KAZN: variants seen among roughly 807,000 people sequenced by gnomAD.
KAZN encodes kazrin, periplakin interacting protein.
In KAZN, 40 loss-of-function variants were observed where a neutral mutation model predicts 87.4. The observed-to-expected ratio is 0.46, with a 90% confidence interval of 0.36 to 0.60. KAZN has a LOEUF of 0.60. Ranked by LOEUF, KAZN falls within the 20% of genes least tolerant of loss-of-function variation. The pLI, the probability that KAZN is intolerant of heterozygous loss-of-function variation, is 0.00. For missense variants in KAZN, 898 were observed against 1,073.9 expected (o/e 0.84, Z 2.29); for synonymous variants, 466 against 458.3 (o/e 1.02, Z -0.22).
chr1:14,831,743 T>C (rs11582064), intron 1 of KAZN, among the ~76,000 whole-genome samples: 10,596 of 152,172 alleles, frequency 0.07, 627 homozygotes, highest in African/African-American at 0.16. Context: ...GACAGGGAAA[T>C]GACAAGCGAC....
intron 2 of KAZN, among the ~76,000 whole-genome samples, chr1:14,242,874 A>G (rs931181900): frequency 6.6e-6 from 1 of 152,330 alleles, no homozygotes; most frequent in East Asian, 1.9e-4. Context: ...TTGATCTCTC[A>G]AAACGAATAC....
At chr1:14,088,196 T>C (rs896069862) in intron 1 of KAZN, among the ~76,000 whole-genome samples, 41 of 151,726 alleles carry the variant, frequency 2.7e-4, no homozygotes, top group Non-Finnish European at 3.5e-4. Context: ...AATTTTTGCA[T>C]CTTTTTCTAG....
At chr1:15,017,655 G>A (rs1462939884) in intron 2 of KAZN, among the ~76,000 whole-genome samples, 4 of 152,046 alleles carry the variant, frequency 2.6e-5, no homozygotes, top group Admixed American at 6.5e-5. Context: ...AATACAAAAA[G>A]TAGCCGGGCA....
At chr1:14,786,033 T>C (rs951577482) in intron 1 of KAZN, among the ~76,000 whole-genome samples, 2 of 152,000 alleles carry the variant, frequency 1.3e-5, no homozygotes, top group Non-Finnish European at 2.9e-5. Context: ...TAGAATCCAG[T>C]GACCTCCTTA....
At chr1:14,235,595 G>C (rs893774231) in intron 2 of KAZN, among the ~76,000 whole-genome samples, 1 of 152,116 alleles carries the variant, frequency 6.6e-6, no homozygotes, top group Non-Finnish European at 1.5e-5. Context: ...TTAAAAGGGT[G>C]AATTTTGTGG....
intron 1 of KAZN, among the ~76,000 whole-genome samples, chr1:14,625,680 A>G (rs1416148615): frequency 6.6e-6 from 1 of 152,242 alleles, no homozygotes; most frequent in East Asian, 1.9e-4. Context: ...TGAAACTTCA[A>G]TTATCATCCT....
At chr1:14,210,820 C>T (rs1646838940) in intron 2 of KAZN, among the ~76,000 whole-genome samples, 1 of 152,000 alleles carries the variant, frequency 6.6e-6, no homozygotes, top group Non-Finnish European at 1.5e-5. Flanking sequence ...TATATTTCTG[C>T]AAATCTCTTT....
intron 2 of KAZN, among the ~76,000 whole-genome samples, chr1:14,260,625 G>C (rs1039962178): frequency 6.6e-6 from 1 of 152,184 alleles, no homozygotes; most frequent in African/African-American, 2.4e-5. Context: ...TTCTTTGTGA[G>C]CAATGCCACA....
At position 15,110,452 on chromosome 1, in the gene KAZN, T is replaced by C. The variant is rs549010845; in HGVS notation, c.2049-1975T>C. On this transcript the variant is annotated intron_variant, in intron 13 of 14. Transcript: ENST00000376030. ...GTTCATGTGTATTTGTGTATGTGTG[T>C]ATTTGTGTGTGTTTGTATGTTTGTG... 1.2e-3 allele frequency among the ~76,000 whole-genome samples: 179 copies of C among 150,978 alleles called. 1 individual carries two copies. Among genetic ancestry groups the C allele is most frequent in the Non-Finnish European group, 2.3e-3 (159 of 67,924 alleles).
At position 14,409,536 on chromosome 1, in the gene KAZN, C is replaced by T. The variant is rs578183035; in HGVS notation, c.250-189447C>T. The stretch of plus-strand genomic sequence containing the variant: ...CAAATTTATATTACCCACACTACCC[C>T]AGAAGCCCCAACTTGAAAAGGAGCT... On this transcript the variant is annotated intron_variant, in intron 2 of 16. Coordinates refer to the KAZN transcript ENST00000636203. Among the ~76,000 whole-genome samples the T allele has an allele frequency of 4.6e-5, 7 of 152,290 alleles. No homozygotes were observed. The South Asian group carries it at 1.5e-3, about 32-fold the overall frequency.
chr1:14,678,663 A>G (rs1402687339), intron 1 of KAZN, among the ~76,000 whole-genome samples: 3 of 152,186 alleles, frequency 2.0e-5, no homozygotes, highest in African/African-American at 7.2e-5. Context: ...ATGCAGGGCG[A>G]GCCCCTTCCC....
chr1:15,044,108 G>A lies in KAZN; in HGVS notation c.675G>A (p.Gln225=). The part of the protein sequence containing the change: ...ATDHATALRS[Q]LDLKDNRMKE... ...ACCACGCCACGGCACTGCGCTCCCAGCTGGACCTCAAGGACAACCGGATGA... is the reference window on the plus strand; with the variant it reads ...ACCACGCCACGGCACTGCGCTCCCAACTGGACCTCAAGGACAACCGGATGA... The change falls in exon 4 of 15, where the codon CAG becomes CAA. Residue 225 remains glutamine, a synonymous_variant. Coordinates refer to ENST00000376030, the MANE Select transcript of KAZN (RefSeq NM_201628.3). 6.2e-7 allele frequency: 1 copy of A among 1,612,250 alleles called. No homozygotes were observed. Among genetic ancestry groups the A allele is most frequent in the Non-Finnish European group, 8.5e-7 (1 of 1,179,420 alleles).
At chr1:14,656,172 C>T (rs1053454234) in intron 1 of KAZN, among the ~76,000 whole-genome samples, 7 of 152,010 alleles carry the variant, frequency 4.6e-5, no homozygotes, top group South Asian at 2.1e-4. Context: ...CACGTTCAGG[C>T]GCATCTGCCA....
intron 2 of KAZN, among the ~76,000 whole-genome samples, chr1:14,441,375 G>GCA (rs1666695933): frequency 1.3e-5 from 2 of 151,824 alleles, no homozygotes; most frequent in Admixed American, 6.6e-5. Flanking sequence ...CAGCGGCAGC[G>GCA]GCAGCAGCAG....
intron 2 of KAZN, among the ~76,000 whole-genome samples, chr1:14,350,481 G>A (rs1053197519): frequency 2.0e-5 from 3 of 152,214 alleles, no homozygotes; most frequent in Non-Finnish European, 2.9e-5. Flanking sequence ...CCATGGAAGG[G>A]AGTTTGCTGC....
chr1:14,408,638 A>G (rs1306839834), intron 2 of KAZN, among the ~76,000 whole-genome samples: 1 of 152,164 alleles, frequency 6.6e-6, no homozygotes. Context: ...TTATAAGGAC[A>G]CTTACCCTAT....
chr1:14,305,190 G>A (rs2100793023), intron 2 of KAZN, among the ~76,000 whole-genome samples: 1 of 151,972 alleles, frequency 6.6e-6, no homozygotes, highest in East Asian at 1.9e-4. Context: ...GACTGCCATC[G>A]TCTCTCCCAC....
chr1:15,018,399 G>A (rs1295700556), intron 2 of KAZN, among the ~76,000 whole-genome samples: 1 of 151,972 alleles, frequency 6.6e-6, no homozygotes, highest in Admixed American at 6.6e-5. Flanking sequence ...CAGGGCCCTG[G>A]CTGGGGGTTG....
At chr1:14,147,804 A>C (rs945021447) in intron 1 of KAZN, among the ~76,000 whole-genome samples, 10 of 151,728 alleles carry the variant, frequency 6.6e-5, no homozygotes, top group African/African-American at 9.7e-5. Context: ...CAAAAAAAAA[A>C]AACAACAAAA....
Sources: gnomAD v4.1 joint callset for allele counts (sites outside exome capture counted in the v4.1 genomes callset) on GRCh38, gnomAD v4.1.1 for gene constraint, MANE v1.5 for transcripts, NCBI Gene and HGNC (gene_info 2026-07-23, HGNC 2026-07-21) for gene names.